The following PCDHGB5 variants were observed in gnomAD, a reference collection of about 807,000 sequenced individuals.
PCDHGB5 encodes the protein protocadherin gamma-B5.
In PCDHGB5, 48 loss-of-function variants were observed where a neutral mutation model predicts 62.9. The ratio of observed to expected loss-of-function variants is 0.76; its 90% CI spans 0.61 to 0.97. The LOEUF (loss-of-function observed/expected upper bound fraction) is 0.97. Ranked by LOEUF, PCDHGB5 falls within the 50% of genes least tolerant of loss-of-function variation. PCDHGB5 has a pLI of 0.00. For missense variants in PCDHGB5, 1,118 were observed against 1,198.6 expected, an observed-to-expected ratio of 0.93 and a Z score of 0.99; for synonymous variants, 474 against 511.2, an observed-to-expected ratio of 0.93 and a Z score of 0.98.
In PCDHGB5 at chr5:141,420,274, GGTAA is replaced by G. The variant is rs1362175190; in HGVS notation, c.2397+19754_2397+19757del. 5.9e-6 allele frequency: 9 copies of G among 1,525,426 alleles called. 1 individual carries two copies. The highest frequency in any genetic ancestry group is 2.1e-5 in the Admixed American group (1 of 48,284). 94.5% of individuals were successfully genotyped at this position (1,525,426 alleles called of 1,614,324 possible). On this transcript the variant is annotated intron_variant, in intron 1 of 3. Coordinates refer to ENST00000617380, the MANE Select transcript of PCDHGB5 (RefSeq NM_018925.3). ...AAGCAGATAAGAAGATTCTTAAACAGGTAAGTATTTAAAAATGTATTTAATCCTT... is the reference window on the plus strand; with the variant it reads ...AAGCAGATAAGAAGATTCTTAAACAGGTATTTAAAAATGTATTTAATCCTT...
chr5:141,404,075 G>C (rs2154534954), intron 1 of PCDHGB5: 2 of 1,613,660 alleles, frequency 1.2e-6, no homozygotes, highest in East Asian at 2.2e-5. Flanking sequence ...TCATGACCGA[G>C]ACTCCGGGAA....
chr5:141,418,589 C>G lies in PCDHGB5; in HGVS notation c.2397+18065C>G, dbSNP rs184213052. ...CAATGACAACCCCCCAGTGTTCAGC[C>G]AGGACGTGTACAGGGTTAGCCTTCG... On this transcript the variant is annotated intron_variant, in intron 1 of 3. Transcript: ENST00000617380. 5.5e-4 allele frequency: 884 copies of G among 1,614,012 alleles called. 4 individuals carry two copies. Among genetic ancestry groups the G allele is most frequent in the South Asian group, 4.0e-3 (361 of 91,086 alleles).
At chr5:141,457,280 A>T (rs964027392) in intron 1 of PCDHGB5, among the ~76,000 whole-genome samples, 1 of 152,196 alleles carries the variant, frequency 6.6e-6, no homozygotes, top group Non-Finnish European at 1.5e-5. Flanking sequence ...TGGGCCTACG[A>T]AGTTCCTTGG....
chr5:141,418,434 C>T, intron 1 of PCDHGB5: 5 of 1,613,944 alleles, frequency 3.1e-6, no homozygotes, highest in Non-Finnish European at 4.2e-6. Context: ...GGCAAATATC[C>T]AGAATTAGTA....
chr5:141,404,705 G>A, intron 1 of PCDHGB5: 2 of 1,614,108 alleles, frequency 1.2e-6, no homozygotes, highest in South Asian at 2.2e-5. Flanking sequence ...TGCAGAGCCT[G>A]GCTACCTGGT....
intron 1 of PCDHGB5, chr5:141,468,662 C>G (rs1381049343): frequency 6.6e-6 from 1 of 150,534 alleles, no homozygotes; most frequent in East Asian, 2.0e-4. Context: ...GTCAGGAGAT[C>G]AAGACCATCC....
chr5:141,438,638 A>G (rs1192725978), intron 1 of PCDHGB5, among the ~76,000 whole-genome samples: 1 of 22,806 alleles, frequency 4.4e-5, no homozygotes, highest in East Asian at 1.6e-3. Flanking sequence ...ATATATATAC[A>G]CACACACACA....
chr5:141,459,315 T>A (rs2154566534), intron 1 of PCDHGB5, among the ~76,000 whole-genome samples: 1 of 152,362 alleles, frequency 6.6e-6, no homozygotes, highest in Non-Finnish European at 1.5e-5. Flanking sequence ...CTATTTTGTA[T>A]CCATCTTCTT....
At chr5:141,435,383 G>C (rs1057246190) in intron 1 of PCDHGB5, among the ~76,000 whole-genome samples, 4 of 151,898 alleles carry the variant, frequency 2.6e-5, no homozygotes, top group Admixed American at 2.0e-4. Flanking sequence ...ACAATATACC[G>C]TATTGCCATG....
At chr5:141,419,761 C>A in intron 1 of PCDHGB5, 1 of 1,614,008 alleles carries the variant, frequency 6.2e-7, no homozygotes, top group South Asian at 1.1e-5. Context: ...CTTTGGGTGA[C>A]AAGGACTCGG....
chr5:141,433,140 CAGGTGATTCGGTATTTTCTAAAG>C (rs2097570930), intron 1 of PCDHGB5: 1 of 1,613,948 alleles, frequency 6.2e-7, no homozygotes, highest in Non-Finnish European at 8.5e-7. Flanking sequence ...CTTTTGCTGT[CAGGTGATTCGGTATTTTCTAAAG>C]ACAGTCATGG....
intron 1 of PCDHGB5, chr5:141,414,797 G>A: frequency 6.2e-7 from 1 of 1,614,230 alleles, no homozygotes. Context: ...GCCAGCGACA[G>A]CGGGGATCCT....
At position 141,491,196 on chromosome 5, in the gene PCDHGB5, T is replaced by C. The variant is rs899789155; in HGVS notation, c.2398-3611T>C. ...TGGTGGTCCTGGTGAGGGACAATGGTGACCCTTCACTCTCCTCCACAGCCA... is the reference window on the plus strand; with the variant it reads ...TGGTGGTCCTGGTGAGGGACAATGGCGACCCTTCACTCTCCTCCACAGCCA... On this transcript the variant is annotated intron_variant, in intron 1 of 3. Transcript: ENST00000617380. The surrounding 1 kb of genome is among the most constrained non-coding windows in gnomAD (Gnocchi z 6.9). The C allele has an allele frequency of 6.8e-6, 11 of 1,614,186 alleles. No homozygotes were observed. The highest frequency in any genetic ancestry group is 9.3e-6 in the Non-Finnish European group (11 of 1,180,030).
At chr5:141,510,272 T>TAA (rs546154379) in intron 3 of PCDHGB5, among the ~76,000 whole-genome samples, 3,403 of 130,344 alleles carry the variant, frequency 0.026, 48 homozygotes, top group East Asian at 0.043. Context: ...GACTCCATCT[T>TAA]AAAAAAAAAA....
chr5:141,421,487 C>G (rs1447180364), intron 1 of PCDHGB5: 2 of 1,614,094 alleles, frequency 1.2e-6, no homozygotes, highest in Non-Finnish European at 1.7e-6. Context: ...AGCTTGATCA[C>G]GGCAGGCAGG....
chr5:141,447,181 G>C (rs442221), intron 1 of PCDHGB5, among the ~76,000 whole-genome samples: 152,246 of 152,338 alleles, frequency 1, 76,078 homozygotes, highest in Middle Eastern at 1. Context: ...CTCTTGTCGC[G>C]CAGGCTGGAG....
intron 1 of PCDHGB5, chr5:141,410,724 C>G: frequency 7.2e-7 from 1 of 1,385,884 alleles, no homozygotes; most frequent in Non-Finnish European, 9.6e-7. Flanking sequence ...TGTTTAAAAT[C>G]CATAGCTTTT....
At chr5:141,419,190 A>G in intron 1 of PCDHGB5, 1 of 1,613,930 alleles carries the variant, frequency 6.2e-7, no homozygotes, top group South Asian at 1.1e-5. Flanking sequence ...CACATTACTG[A>G]CGTCAATGAC....
Position 141,400,299 on chromosome 5 carries a change from A to C in PCDHGB5, c.2172A>C (p.Gln724His). 1 of 1,613,834 alleles carries C rather than the reference A, an allele frequency of 6.2e-7. No individual in the cohort carries two copies. Among genetic ancestry groups the C allele is most frequent in the South Asian group, 1.1e-5 (1 of 91,030 alleles). Reference sequence around the variant, plus strand: ...GCCCTGCCGCCTGGAGCTGCTTCCAACCTGGTCTCTGTGTCAAGTCTGGAC... The same window carrying C: ...GCCCTGCCGCCTGGAGCTGCTTCCACCCTGGTCTCTGTGTCAAGTCTGGAC... ...SSSPAAWSCF[Q>H]PGLCVKSGPV... Residue 724 changes from glutamine (Q) to histidine (H), a missense_variant, in exon 1 of 4, where the codon CAA becomes CAC. This residue lies in a region of PCDHGB5 where 1,034 missense variants were observed against 1,029.1 expected (regional missense o/e 1.00). Coordinates refer to ENST00000617380, the MANE Select transcript of PCDHGB5 (RefSeq NM_018925.3).
Sources: gnomAD v4.1 joint callset for allele counts (sites outside exome capture counted in the v4.1 genomes callset) on GRCh38, gnomAD v4.1.1 for gene constraint, gnomAD v4.1.1 regional missense constraint, Gnocchi (gnomAD v3.1) non-coding constraint, MANE v1.5 for transcripts, NCBI Gene and HGNC (gene_info 2026-07-23, HGNC 2026-07-21) for gene names.